Variants in SPMIP2 observed in about 807,000 individuals in gnomAD.
The protein encoded by SPMIP2 is sperm microtubule inner protein 2.
chr4:159,011,478 C>T, the SPMIP2 span, among the ~76,000 whole-genome samples: 41 of 152,192 alleles, frequency 2.7e-4, 1 homozygote, highest in East Asian at 6.2e-3. Context: ...TGGCTGGACG[C>T]GGTGGCTCAC....
At chr4:158,911,376 AAAT>A in the SPMIP2 span, among the ~76,000 whole-genome samples, 3 of 147,052 alleles carry the variant, frequency 2.0e-5, no homozygotes, top group Admixed American at 6.6e-5. Context: ...ATAAATAAAT[AAAT>A]AAATAAAATA....
the SPMIP2 span, among the ~76,000 whole-genome samples, chr4:159,023,717 T>C: frequency 2.0e-5 from 3 of 152,206 alleles, no homozygotes; most frequent in African/African-American, 7.2e-5. Flanking sequence ...GTATCTCTTT[T>C]TTCCTCAGTA....
At chr4:158,913,497 T>C in the SPMIP2 span, among the ~76,000 whole-genome samples, 1 of 152,200 alleles carries the variant, frequency 6.6e-6, no homozygotes, top group Non-Finnish European at 1.5e-5. Flanking sequence ...GCTGGGTTTA[T>C]AGGTGTGAAA....
At chr4:158,970,512 C>T in the SPMIP2 span, among the ~76,000 whole-genome samples, 3 of 151,010 alleles carry the variant, frequency 2.0e-5, no homozygotes, top group African/African-American at 7.3e-5. Flanking sequence ...TGTACTCCAG[C>T]CTGGGGGACA....
chr4:159,027,338 T>C, the SPMIP2 span, among the ~76,000 whole-genome samples: 2 of 152,224 alleles, frequency 1.3e-5, no homozygotes, highest in African/African-American at 4.8e-5. Context: ...TTTCCAACTA[T>C]CTTAGCTTTT....
chr4:158,909,134 T>C, the SPMIP2 span, among the ~76,000 whole-genome samples: 1 of 152,218 alleles, frequency 6.6e-6, no homozygotes. Context: ...AATTTTATTT[T>C]AGGTTAATAA....
chr4:159,025,326 G>T, the SPMIP2 span, among the ~76,000 whole-genome samples: 2 of 152,074 alleles, frequency 1.3e-5, no homozygotes. Context: ...CACCACACCT[G>T]GCTAATTTTT....
the SPMIP2 span, among the ~76,000 whole-genome samples, chr4:158,980,377 A>G: frequency 1.3e-5 from 2 of 152,222 alleles, no homozygotes; most frequent in African/African-American, 4.8e-5. Flanking sequence ...TGCCTCCTCA[A>G]CTGGGTCCCT....
chr4:159,034,891 A>C, the SPMIP2 span: 13 of 394,864 alleles, frequency 3.3e-5, no homozygotes, highest in African/African-American at 1.7e-4. Context: ...ACTCTGTCTC[A>C]AAAAAAAAAA....
the SPMIP2 span, among the ~76,000 whole-genome samples, chr4:159,003,101 T>G: frequency 3.3e-5 from 5 of 152,352 alleles, no homozygotes; most frequent in Admixed American, 6.5e-5. Context: ...ATAAAACATT[T>G]TATATCTCCC....
the SPMIP2 span, among the ~76,000 whole-genome samples, chr4:158,976,149 C>T: frequency 2.9e-3 from 439 of 152,276 alleles, 3 homozygotes; most frequent in African/African-American, 0.01. Context: ...TATCCTGAGA[C>T]TTTGCCAAAG....
chr4:159,075,159 T>C, the SPMIP2 span, among the ~76,000 whole-genome samples: 2 of 152,180 alleles, frequency 1.3e-5, no homozygotes, highest in African/African-American at 2.4e-5. Context: ...AGCCTACCAG[T>C]GCAGGGACGA....
chr4:159,004,289 C>CTTT, the SPMIP2 span, among the ~76,000 whole-genome samples: 413 of 78,882 alleles, frequency 5.2e-3, 42 homozygotes, highest in African/African-American at 0.011. Flanking sequence ...ACTCTGTGCT[C>CTTT]TTTTTTTTTT....
the SPMIP2 span, among the ~76,000 whole-genome samples, chr4:159,012,304 T>C: frequency 7.9e-5 from 12 of 152,140 alleles, no homozygotes; most frequent in African/African-American, 2.9e-4. Flanking sequence ...TCATGGGCTA[T>C]GTGAAGAAAT....
the SPMIP2 span, among the ~76,000 whole-genome samples, chr4:159,008,003 G>A: frequency 7.1e-3 from 1,077 of 152,302 alleles, 10 homozygotes; most frequent in African/African-American, 0.024. Context: ...TTGGGAGGCT[G>A]GGGTGGGAGG....
chr4:158,975,416 GT>G, the SPMIP2 span, among the ~76,000 whole-genome samples: 1 of 152,112 alleles, frequency 6.6e-6, no homozygotes, highest in African/African-American at 2.4e-5. Context: ...TTCTTCTAGG[GT>G]TTTTATGGTT....
chr4:159,063,495 A>G, the SPMIP2 span, among the ~76,000 whole-genome samples: 2 of 152,144 alleles, frequency 1.3e-5, no homozygotes, highest in Non-Finnish European at 2.9e-5. Flanking sequence ...ATTTGCAGTG[A>G]GCTGAAATCG....
At chr4:159,045,558 G>C in the SPMIP2 span, among the ~76,000 whole-genome samples, 1 of 152,182 alleles carries the variant, frequency 6.6e-6, no homozygotes, top group East Asian at 1.9e-4. Flanking sequence ...CTGCACAAAA[G>C]AAGTAAAAGG....
the SPMIP2 span, among the ~76,000 whole-genome samples, chr4:158,989,059 C>T: frequency 1.8e-4 from 28 of 152,216 alleles, no homozygotes; most frequent in Admixed American, 1.8e-3. Context: ...AATCAGTGGG[C>T]AAAAATCACA....
Sources: gnomAD v4.1 joint callset for allele counts (sites outside exome capture counted in the v4.1 genomes callset) on GRCh38, gnomAD v4.1.1 for gene constraint, MANE v1.5 for transcripts, NCBI Gene and HGNC (gene_info 2026-07-23, HGNC 2026-07-21) for gene names.